The following TYW1B variants were observed in gnomAD, a reference collection of about 807,000 sequenced individuals.
The protein encoded by TYW1B is tRNA-yW synthesizing protein 1 homolog B.
In TYW1B, 73 loss-of-function variants were observed where a neutral mutation model predicts 86.9. The observed-to-expected ratio is 0.84, with a 90% CI of 0.70 to 1.02. The LOEUF is 1.02. Ranked by LOEUF, TYW1B falls within the 50% of genes least tolerant of loss-of-function variation. TYW1B has a pLI of 0.00. For missense variants in TYW1B, 637 were observed against 827.4 expected, an observed-to-expected ratio of 0.77 and a Z score of 2.82; for synonymous variants, 248 against 292.8, an observed-to-expected ratio of 0.85 and a Z score of 1.56.
chr7:72,786,577 T>TC (rs1788133708), intron 6 of TYW1B, among the ~76,000 whole-genome samples: 1 of 143,528 alleles, frequency 7.0e-6, no homozygotes, highest in Non-Finnish European at 1.5e-5. Context: ...TTTTTTCTTT[T>TC]TTTTTTTTTT....
At chr7:72,590,446 C>A (rs1811370988) in intron 13 of TYW1B, among the ~76,000 whole-genome samples, 1 of 152,212 alleles carries the variant, frequency 6.6e-6, no homozygotes, top group South Asian at 2.1e-4. Context: ...TCCCTGGGGA[C>A]TTCAAGGGCC....
chr7:72,761,178 T>C (rs1787679844), intron 7 of TYW1B, among the ~76,000 whole-genome samples: 1 of 152,188 alleles, frequency 6.6e-6, no homozygotes, highest in Non-Finnish European at 1.5e-5. Flanking sequence ...ATGTCTGGGT[T>C]ATTTCCAACT....
chr7:72,706,032 T>C (rs1440708735), intron 10 of TYW1B, among the ~76,000 whole-genome samples: 1 of 152,220 alleles, frequency 6.6e-6, no homozygotes, highest in Non-Finnish European at 1.5e-5. Flanking sequence ...TAAACTCACA[T>C]GTCTACAGGG....
chr7:72,606,697 A>C (rs4717663), intron 13 of TYW1B, among the ~76,000 whole-genome samples: 79,430 of 149,180 alleles, frequency 0.53, 21,703 homozygotes, highest in East Asian at 0.76. Context: ...AGAATGGTAT[A>C]ACAGGAGGCT....
intron 11 of TYW1B, among the ~76,000 whole-genome samples, chr7:72,662,616 G>T (rs1449547197): frequency 6.6e-6 from 1 of 152,094 alleles, no homozygotes; most frequent in African/African-American, 2.4e-5. Flanking sequence ...TTTCTAACAG[G>T]CAAAACACAT....
At chr7:72,811,919 CAAAAAA>C (rs66698234) in intron 3 of TYW1B, among the ~76,000 whole-genome samples, 2 of 108,652 alleles carry the variant, frequency 1.8e-5, no homozygotes, top group Non-Finnish European at 3.8e-5. Flanking sequence ...GACTCCATCT[CAAAAAA>C]AAAAAAAAAA....
chr7:72,593,820 TAA>T (rs59821679), intron 13 of TYW1B, among the ~76,000 whole-genome samples: 598 of 43,620 alleles, frequency 0.014, 6 homozygotes, highest in African/African-American at 0.035. Context: ...AGACTCCATC[TAA>T]AAAAAAAAAA....
chr7:72,687,315 AT>A (rs1814031207), intron 11 of TYW1B, among the ~76,000 whole-genome samples: 1 of 152,200 alleles, frequency 6.6e-6, no homozygotes, highest in East Asian at 1.9e-4. Flanking sequence ...CATGCCTGTA[AT>A]TCCAGCTACT....
chr7:72,826,885 C>A lies in TYW1B; in HGVS notation c.105G>T (p.Trp35Cys). Residue 35 changes from tryptophan to cysteine, a missense_variant, in exon 2 of 14, where the codon TGG becomes TGT. Trp to Cys is a radical substitution (Grantham distance 215). Coordinates refer to ENST00000620995, the MANE Select transcript of TYW1B (RefSeq NM_001145440.3). ...YLGFAVSISL[W>C]ICVQIVIEMQ... Reference sequence around the variant, plus strand: ...TCTCGATGACAATCTGGACACAAATCCAAAGGCTAATGCTAACAGCAAAGC... The same window carrying A: ...TCTCGATGACAATCTGGACACAAATACAAAGGCTAATGCTAACAGCAAAGC... 2 of 1,613,346 alleles carry A rather than the reference C, an allele frequency of 1.2e-6. No individual in the cohort carries two copies. The highest frequency in any genetic ancestry group is 1.7e-6 in the Non-Finnish European group (2 of 1,179,848).
At chr7:72,616,175 T>G (rs1812066346) in intron 13 of TYW1B, among the ~76,000 whole-genome samples, 1 of 152,222 alleles carries the variant, frequency 6.6e-6, no homozygotes, top group Non-Finnish European at 1.5e-5. Flanking sequence ...TAGATTCATA[T>G]ACTTGTTCTA....
chr7:72,780,888 T>C (rs1788039635), intron 6 of TYW1B, among the ~76,000 whole-genome samples: 1 of 151,938 alleles, frequency 6.6e-6, no homozygotes, highest in Non-Finnish European at 1.5e-5. Context: ...GGTGTAGACA[T>C]TGTTTACTCT....
intron 9 of TYW1B, among the ~76,000 whole-genome samples, chr7:72,716,371 A>G (rs1367132953): frequency 1.3e-5 from 2 of 152,260 alleles, no homozygotes; most frequent in African/African-American, 4.8e-5. Context: ...AACGTTCATT[A>G]ACAATTTGCT....
chr7:72,779,081 C>T (rs1554471183), intron 6 of TYW1B, among the ~76,000 whole-genome samples: 1 of 151,990 alleles, frequency 6.6e-6, no homozygotes, highest in Admixed American at 6.6e-5. Flanking sequence ...CTGACAGCTG[C>T]AGAAATTCAC....
chr7:72,607,465 AAAGAG>A (rs1811830249), intron 13 of TYW1B, among the ~76,000 whole-genome samples: 1 of 151,422 alleles, frequency 6.6e-6, no homozygotes, highest in Non-Finnish European at 1.5e-5. Flanking sequence ...AGAAGAAAGA[AAAGAG>A]AAGAAGGAAG....
intron 13 of TYW1B, among the ~76,000 whole-genome samples, chr7:72,576,598 C>T (rs1202424705): frequency 1.3e-5 from 2 of 151,524 alleles, no homozygotes; most frequent in Admixed American, 6.6e-5. Context: ...CTGCAAGCTC[C>T]GCCTCCTGCG....
At chr7:72,821,009 G>A (rs1788818091) in intron 2 of TYW1B, among the ~76,000 whole-genome samples, 1 of 152,148 alleles carries the variant, frequency 6.6e-6, no homozygotes, top group Non-Finnish European at 1.5e-5. Flanking sequence ...GTTTCACTCT[G>A]TCCCCCAGGC....
intron 7 of TYW1B, among the ~76,000 whole-genome samples, chr7:72,747,553 A>C (rs1787417703): frequency 6.6e-6 from 1 of 152,208 alleles, no homozygotes; most frequent in Non-Finnish European, 1.5e-5. Context: ...TCTCTCTACC[A>C]GTAGTACCAC....
rs185059815 is a variant in TYW1B, at chr7:72,704,707, T to C, written c.1370+8914A>G. On this transcript the variant is annotated intron_variant, in intron 10 of 13. Coordinates refer to ENST00000620995, the MANE Select transcript of TYW1B (RefSeq NM_001145440.3). Reference sequence around the variant, plus strand: ...AAACTTCCGTGTTTCATGTCTTATCTCACATACTCGCAATGCCACCATAAG... The same window carrying C: ...AAACTTCCGTGTTTCATGTCTTATCCCACATACTCGCAATGCCACCATAAG... 3.7e-3 allele frequency among the ~76,000 whole-genome samples: 566 copies of C among 152,224 alleles called. 1 individual carries two copies. The highest frequency in any genetic ancestry group is 6.9e-3 in the Non-Finnish European group (469 of 68,020).
At chr7:72,693,264 T>C (rs782264910) in intron 11 of TYW1B, among the ~76,000 whole-genome samples, 4 of 152,010 alleles carry the variant, frequency 2.6e-5, no homozygotes, top group Non-Finnish European at 5.9e-5. Flanking sequence ...AAGTATGCCA[T>C]ATGAAAACAC....
Sources: allele counts gnomAD v4.1 joint callset (sites outside exome capture counted in the v4.1 genomes callset), GRCh38; gene constraint gnomAD v4.1.1; transcripts MANE v1.5; gene names NCBI Gene and HGNC (gene_info 2026-07-23, HGNC 2026-07-21).